The following HABP2 variants were observed in gnomAD, a reference collection of about 807,000 sequenced individuals.
HABP2 encodes hyaluronan binding protein 2, also known as factor VII-activating protease.
HABP2 carries 65 observed loss-of-function variants against 66.5 expected under a neutral mutation model. The ratio of observed to expected loss-of-function variants is 0.98; its 90% CI spans 0.80 to 1.20. The LOEUF is 1.20. Ranked by LOEUF, HABP2 falls within the 50% of genes most tolerant of loss-of-function variation. The pLI is 0.00. For synonymous variants in HABP2, 263 were observed against 253.9 expected (o/e 1.04, Z -0.34); for missense variants, 786 against 691.0 (o/e 1.14, Z -1.54).
chr10:113,586,484 G>C (rs1034857146), intron 12 of HABP2, among the ~76,000 whole-genome samples: 1 of 146,542 alleles, frequency 6.8e-6, no homozygotes, highest in Non-Finnish European at 1.5e-5. Flanking sequence ...GTGGGGGGGG[G>C]GGGGGTGTTT....
chr10:113,568,555 G>A (rs751514936), intron 2 of HABP2, among the ~76,000 whole-genome samples: 1 of 152,104 alleles, frequency 6.6e-6, no homozygotes, highest in East Asian at 1.9e-4. Context: ...GTGGGGTTTT[G>A]AGAAAATCCG....
At chr10:113,587,851 G>A (rs1046259891) in intron 12 of HABP2, among the ~76,000 whole-genome samples, 4 of 152,102 alleles carry the variant, frequency 2.6e-5, no homozygotes, top group African/African-American at 9.7e-5. Context: ...ACCATGCTGA[G>A]CACCTAGGCC....
rs1483022427 is a variant in HABP2 at position 113,575,840 on chromosome 10, G to A, written c.224-57G>A. The A allele has an allele frequency of 5.4e-6, 5 of 930,878 alleles. No homozygotes were observed. In the African/African-American group the frequency reaches 6.5e-5, roughly 12 times the overall value. 57.7% of individuals were successfully genotyped at this position (930,878 alleles called of 1,614,324 possible). A position where few individuals can be genotyped will look rare whatever the true frequency, so the allele number is the denominator to read the frequency against. On this transcript the variant is annotated intron_variant, in intron 3 of 12. Transcript: ENST00000351270. ...TGAAATTTGATGAAAAATTTGGAGG[G>A]GGGCGCTTCTCACCTGCCTTTCCTT...
At chr10:113,569,409 T>C (rs1845261109) in intron 2 of HABP2, among the ~76,000 whole-genome samples, 1 of 152,242 alleles carries the variant, frequency 6.6e-6, no homozygotes, top group African/African-American at 2.4e-5. Context: ...ACTTAACCTC[T>C]CACAGGGGTT....
At position 113,584,227 on chromosome 10, in the gene HABP2, G is replaced by T. The variant is rs377707443; in HGVS notation, c.1317G>T (p.Gly439=). Residue 439 remains glycine (G), a synonymous_variant, in exon 11 of 13, where the codon GGG becomes GGT. Transcript: ENST00000351270. Reference sequence around the variant, plus strand: ...TGAAGACTGTGTGCTTGCCTGATGGGTCCTTTCCCTCTGGGAGTGAGTGCC... The same window carrying T: ...TGAAGACTGTGTGCTTGCCTGATGGTTCCTTTCCCTCTGGGAGTGAGTGCC... ...KYVKTVCLPD[G]SFPSGSECHI... 5 of 1,613,852 alleles carry T rather than the reference G, an allele frequency of 3.1e-6. No homozygotes were observed. The highest frequency in any genetic ancestry group is 4.2e-6 in the Non-Finnish European group (5 of 1,179,710).
At chr10:113,572,570 T>A (rs952928858) in intron 2 of HABP2, 1 of 367,726 alleles carries the variant, frequency 2.7e-6, no homozygotes, top group Non-Finnish European at 5.4e-6. Flanking sequence ...TTGTCTCTCC[T>A]AAATGTCAGT....
chr10:113,584,265 G>C lies in HABP2; in HGVS notation c.1355G>C (p.Trp452Ser). The change falls in exon 11 of 13, where the codon TGG becomes TCG. Residue 452 changes from tryptophan (W) to serine (S), a missense_variant. Transcript: ENST00000351270. The part of the protein sequence containing the change: ...PSGSECHISG[W>S]GVTETGKGSR... The stretch of plus-strand genomic sequence containing the variant: ...GGGAGTGAGTGCCACATCTCTGGCT[G>C]GGGTGTTACAGAAACAGGTGAGTCG... 1 of 1,613,938 alleles carries C rather than the reference G, an allele frequency of 6.2e-7. No individual in the cohort carries two copies. The highest frequency in any genetic ancestry group is 8.5e-7 in the Non-Finnish European group (1 of 1,179,794).
intron 11 of HABP2, 94 bp downstream of exon 11, chr10:113,584,376 G>A (rs1845596783): frequency 9.7e-7 from 1 of 1,032,356 alleles, no homozygotes; most frequent in Non-Finnish European, 1.5e-6. Flanking sequence ...GTTGAAATGA[G>A]TGTCATATTC....
intron 2 of HABP2, among the ~76,000 whole-genome samples, chr10:113,569,007 G>A (rs531526190): frequency 6.6e-6 from 1 of 152,288 alleles, no homozygotes; most frequent in East Asian, 1.9e-4. Context: ...TAGCCAATGT[G>A]CCCATAGATT....
upstream of HABP2, among the ~76,000 whole-genome samples, chr10:113,552,240 A>G (rs866598332): frequency 2.6e-4 from 40 of 152,316 alleles, no homozygotes; most frequent in African/African-American, 9.6e-4. Context: ...TCAAGTCAGG[A>G]GGATTCCTGG....
intron 2 of HABP2, among the ~76,000 whole-genome samples, chr10:113,568,067 A>G (rs893972614): frequency 2.0e-5 from 3 of 152,172 alleles, no homozygotes; most frequent in Non-Finnish European, 4.4e-5. Context: ...GTATCTTCAC[A>G]AGGGCTCTCT....
At chr10:113,581,832 G>C (rs1845539512) in intron 8 of HABP2, 44 bp from the exon 9 acceptor site, 3 of 1,608,736 alleles carry the variant, frequency 1.9e-6, no homozygotes, top group Non-Finnish European at 2.5e-6. Flanking sequence ...TGAGGAACTG[G>C]AGGGAGGCTG....
At chr10:113,581,148 G>A (rs1245172200) in intron 8 of HABP2, among the ~76,000 whole-genome samples, 1 of 152,156 alleles carries the variant, frequency 6.6e-6, no homozygotes, top group Non-Finnish European at 1.5e-5. Flanking sequence ...ACCCTGACCA[G>A]TGGGATTCCT....
At chr10:113,552,706 T>G (rs1201372740), upstream of HABP2, among the ~76,000 whole-genome samples, 1 of 152,190 alleles carries the variant, frequency 6.6e-6, no homozygotes, top group Admixed American at 6.5e-5. Context: ...ACCAGAAGTC[T>G]ATTAACATTC....
chr10:113,578,163 C>T lies in HABP2; in HGVS notation c.568+18C>T, dbSNP rs897135095. The stretch of plus-strand genomic sequence containing the variant: ...TGAAATAGGTATGGGTCTCTGCCAC[C>T]ATCAGGGCCACAAGTGAGGCCTCTG... On this transcript the variant is annotated intron_variant, in intron 6 of 12. Coordinates refer to ENST00000351270, the MANE Select transcript of HABP2 (RefSeq NM_004132.5). 3 of 1,613,420 alleles carry T rather than the reference C, an allele frequency of 1.9e-6. No homozygotes were observed. Among genetic ancestry groups the T allele is most frequent in the African/African-American group, 2.7e-5 (2 of 74,930 alleles).
chr10:113,568,721 C>G (rs1042616529), intron 2 of HABP2, among the ~76,000 whole-genome samples: 1 of 152,188 alleles, frequency 6.6e-6, no homozygotes, highest in Non-Finnish European at 1.5e-5. Flanking sequence ...AGGGTGGCCT[C>G]TTCCCCAGCC....
intron 2 of HABP2, 106 bp downstream of exon 2, chr10:113,567,631 A>G: frequency 1.2e-6 from 1 of 837,142 alleles, no homozygotes; most frequent in South Asian, 1.4e-5. Context: ...TCAGGGTTCA[A>G]CTGGTTCCAG....
At chr10:113,556,500 A>G (rs570167014) in intron 1 of HABP2, among the ~76,000 whole-genome samples, 1 of 152,244 alleles carries the variant, frequency 6.6e-6, no homozygotes, top group African/African-American at 2.4e-5. Flanking sequence ...GGATTGCTTG[A>G]GGCCAGGAGT....
Position 113,578,049 on chromosome 10 carries a change from C to T in HABP2, c.472C>T (p.Pro158Ser). Residue 158 changes from proline to serine, a missense_variant, in exon 6 of 13, where the codon CCC (proline) becomes TCC (serine). Physicochemically the swap from Pro to Ser is moderately conservative, Grantham distance 74 (BLOSUM62 -1). Transcript: ENST00000351270. ...SQVVPVCRPN[P>S]CQNGATCSRH... is the part of the protein sequence containing the mutation. ...AGTGGTTCCTGTATGCAGGCCAAAC[C>T]CCTGCCAGAATGGGGCTACCTGCTC... 1 of 1,614,114 alleles carries T rather than the reference C, an allele frequency of 6.2e-7. No homozygotes were observed.
Sources: allele counts gnomAD v4.1 joint callset (sites outside exome capture counted in the v4.1 genomes callset), GRCh38; gene constraint gnomAD v4.1.1; transcripts MANE v1.5; gene names NCBI Gene and HGNC (gene_info 2026-07-23, HGNC 2026-07-21).